VAMP4: variants seen among roughly 807,000 people sequenced by gnomAD.
The protein encoded by VAMP4 is vesicle-associated membrane protein 4.
In VAMP4, 19 loss-of-function variants were observed where a neutral mutation model predicts 23.5. The ratio of observed to expected loss-of-function variants is 0.81; its 90% confidence interval spans 0.56 to 1.19. The LOEUF (loss-of-function observed/expected upper bound fraction) is 1.19. Among genes scored for constraint, VAMP4 ranks in the 50% most tolerant of loss-of-function variants. The pLI, the probability that VAMP4 is intolerant of heterozygous loss-of-function variation, is 0.00. For missense variants in VAMP4, 145 were observed against 168.6 expected (o/e 0.86, Z 0.78); for synonymous variants, 31 against 51.0 (o/e 0.61, Z 1.67).
chr1:171,738,240 T>A, intron 2 of VAMP4, 109 bp downstream of exon 2: 1 of 1,221,332 alleles, frequency 8.2e-7, no homozygotes, highest in South Asian at 1.4e-5. Flanking sequence ...AGTGCGGCGA[T>A]TGCAGGCATG....
At chr1:171,717,021 T>C (rs146903503) in intron 4 of VAMP4, among the ~76,000 whole-genome samples, 24 of 152,364 alleles carry the variant, frequency 1.6e-4, no homozygotes, top group Non-Finnish European at 3.1e-4. Flanking sequence ...TACAAATTCA[T>C]GTGTGTATGT....
rs1654504837 is a variant in VAMP4, at chr1:171,703,149, G to A, written c.*1357C>T. On this transcript the variant is annotated 3_prime_UTR_variant, in exon 8 of 8. Coordinates refer to ENST00000236192, the MANE Select transcript of VAMP4 (RefSeq NM_003762.5). ...CTATTAACCCTATTTTTAATTTAGG[G>A]AGTTTTATATTCATATTGTCAAGAT... 6.6e-6 allele frequency: 1 copy of A among 150,996 alleles called. No individual in the cohort carries two copies. Among genetic ancestry groups the A allele is most frequent in the South Asian group, 2.1e-4 (1 of 4,794 alleles). The allele number at this position is 150,996 out of a possible 1,614,324, so 9.4% of individuals were successfully genotyped here.
intron 3 of VAMP4, among the ~76,000 whole-genome samples, chr1:171,723,794 G>C (rs1655275895): frequency 1.3e-5 from 2 of 152,198 alleles, no homozygotes; most frequent in Admixed American, 1.3e-4. Context: ...CAAGAGTATT[G>C]ACTGGGGAAG....
At chr1:171,713,356 G>A (rs139285122) in intron 4 of VAMP4, among the ~76,000 whole-genome samples, 1 of 151,854 alleles carries the variant, frequency 6.6e-6, no homozygotes, top group East Asian at 1.9e-4. Flanking sequence ...TAGCAGGAAG[G>A]GAATGAATAA....
At chr1:171,734,476 G>T (rs534924464) in intron 2 of VAMP4, among the ~76,000 whole-genome samples, 1 of 152,048 alleles carries the variant, frequency 6.6e-6, no homozygotes, top group African/African-American at 2.4e-5. Flanking sequence ...GACTGCAAAA[G>T]GGCACAGCAT....
At chr1:171,736,123 G>A (rs2124870487) in intron 2 of VAMP4, among the ~76,000 whole-genome samples, 1 of 152,286 alleles carries the variant, frequency 6.6e-6, no homozygotes, top group Non-Finnish European at 1.5e-5. Context: ...CTGACCTCAA[G>A]TGATCTGCCC....
chr1:171,728,396 C>T (rs1256612654), intron 3 of VAMP4, 128 bp downstream of exon 3: 2 of 686,094 alleles, frequency 2.9e-6, no homozygotes, highest in Non-Finnish European at 4.6e-6. Flanking sequence ...ACTGGGGGAT[C>T]TTGGAAGGCA....
intron 3 of VAMP4, among the ~76,000 whole-genome samples, chr1:171,722,896 C>G (rs1349963598): frequency 6.6e-6 from 1 of 152,026 alleles, no homozygotes; most frequent in Non-Finnish European, 1.5e-5. Context: ...CCAGCCATCC[C>G]ATTACTGGGC....
At chr1:171,712,511 A>G (rs775419911) in intron 4 of VAMP4, among the ~76,000 whole-genome samples, 1 of 152,160 alleles carries the variant, frequency 6.6e-6, no homozygotes, top group Non-Finnish European at 1.5e-5. Flanking sequence ...TAAAAGCATT[A>G]TGTACACCCA....
rs367774057 is a variant in VAMP4, at chr1:171,727,644, C to T, written c.113+880G>A. Among the ~76,000 whole-genome samples, 10 of 152,238 alleles carry T rather than the reference C, an allele frequency of 6.6e-5. 1 individual carries two copies. The highest frequency in any genetic ancestry group is 2.0e-4 in the Admixed American group (3 of 15,284). ...ATATATCCACACAAAAACCTGCACA[C>T]AAATGTTTATAACAGCTTTATATGT... On this transcript the variant is annotated intron_variant, in intron 3 of 7. Coordinates refer to ENST00000236192, the MANE Select transcript of VAMP4 (RefSeq NM_003762.5).
intron 6 of VAMP4, among the ~76,000 whole-genome samples, chr1:171,707,124 G>C (rs1356445307): frequency 6.6e-6 from 1 of 152,068 alleles, no homozygotes; most frequent in African/African-American, 2.4e-5. Context: ...CAAGTCCAAA[G>C]CTCTCTTATT....
intron 4 of VAMP4, among the ~76,000 whole-genome samples, chr1:171,715,979 T>C (rs1268628688): frequency 6.6e-6 from 1 of 152,132 alleles, no homozygotes; most frequent in African/African-American, 2.4e-5. Flanking sequence ...CTAGCCTGGG[T>C]GATGGAGCAA....
At chr1:171,712,061 G>C (rs1223018114) in intron 4 of VAMP4, among the ~76,000 whole-genome samples, 1 of 152,070 alleles carries the variant, frequency 6.6e-6, no homozygotes, top group Non-Finnish European at 1.5e-5. Flanking sequence ...GTAGGTTTGT[G>C]TAAGTATACT....
At chr1:171,721,325 A>G (rs989203801) in intron 3 of VAMP4, among the ~76,000 whole-genome samples, 1 of 152,148 alleles carries the variant, frequency 6.6e-6, no homozygotes, top group African/African-American at 2.4e-5. Flanking sequence ...AGCTAATAAA[A>G]AATAAAAGGC....
In VAMP4 at chr1:171,709,599, T is replaced by C. The variant is rs1005358832; in HGVS notation, c.345+66A>G. The C allele has an allele frequency of 5.3e-6, 8 of 1,502,366 alleles. No homozygotes were observed. In the Admixed American group the frequency reaches 6.7e-5, roughly 13 times the overall value. The allele number at this position is 1,502,366 out of a possible 1,614,324, so 93.1% of individuals were successfully genotyped here. A position where few individuals can be genotyped will look rare whatever the true frequency, so the allele number is the denominator to read the frequency against. On this transcript the variant is annotated intron_variant, in intron 6 of 7. Coordinates refer to ENST00000236192, the MANE Select transcript of VAMP4 (RefSeq NM_003762.5). ...AGGTTATGCTCTAGAGGCCCTTTTT[T>C]CTTCATGTGTTTGAATACCACTTCA...
intron 1 of VAMP4, among the ~76,000 whole-genome samples, chr1:171,741,462 C>T (rs1655922415): frequency 6.6e-6 from 1 of 151,596 alleles, no homozygotes; most frequent in Non-Finnish European, 1.5e-5. Context: ...GCGCTCTTTC[C>T]CCCGGGCCCT....
In VAMP4 at chr1:171,734,587, G is replaced by A. The variant is rs578213802; in HGVS notation, c.66+3762C>T. On this transcript the variant is annotated intron_variant, in intron 2 of 7. Transcript: ENST00000236192. ...TCACTGAATTGTACACTTTAAGTGG[G>A]TGAATTGTATGGTACGTGACTTTTA... Among the ~76,000 whole-genome samples the A allele has an allele frequency of 2.6e-5, 4 of 152,302 alleles. No homozygotes were observed. The East Asian group carries it at 7.7e-4, about 29-fold the overall frequency.
chr1:171,736,146 C>CA (rs1297555379), intron 2 of VAMP4, among the ~76,000 whole-genome samples: 1 of 152,192 alleles, frequency 6.6e-6, no homozygotes, highest in Admixed American at 6.6e-5. Flanking sequence ...CTCGGCCTCC[C>CA]AAAGTGCTGG....
chr1:171,737,744 A>C (rs1424090098), intron 2 of VAMP4, among the ~76,000 whole-genome samples: 3 of 152,194 alleles, frequency 2.0e-5, no homozygotes, highest in African/African-American at 7.2e-5. Flanking sequence ...ACTTTCTAAA[A>C]TCTGAAAAAT....
Sources: gnomAD v4.1 joint callset for allele counts (sites outside exome capture counted in the v4.1 genomes callset) on GRCh38, gnomAD v4.1.1 for gene constraint, MANE v1.5 for transcripts, NCBI Gene and HGNC (gene_info 2026-07-23, HGNC 2026-07-21) for gene names.